The following PTBP3 variants were observed in gnomAD, a reference collection of about 807,000 sequenced individuals.
PTBP3 encodes polypyrimidine tract-binding protein 3.
Under a neutral mutation model 58.7 loss-of-function variants are expected in PTBP3, and 20 were observed. That is an observed-to-expected ratio of 0.34 (90% CI 0.24 to 0.50). PTBP3 has a LOEUF of 0.50. Among genes scored for constraint, PTBP3 ranks in the 20% least tolerant of loss-of-function variants. PTBP3 has a pLI of 0.98. For synonymous variants in PTBP3, 185 were observed against 219.8 expected, an observed-to-expected ratio of 0.84 and a Z score of 1.40; for missense variants, 509 against 637.2, an observed-to-expected ratio of 0.80 and a Z score of 2.17.
the PTBP3 span, among the ~76,000 whole-genome samples, chr9:112,361,390 C>T: frequency 1.3e-5 from 2 of 152,120 alleles, no homozygotes; most frequent in Non-Finnish European, 2.9e-5. Context: ...TAAGCCATGG[C>T]ACCCAGCCTA....
chr9:112,291,838 C>G (rs1828444525), intron 2 of PTBP3, among the ~76,000 whole-genome samples: 1 of 152,064 alleles, frequency 6.6e-6, no homozygotes, highest in Non-Finnish European at 1.5e-5. Flanking sequence ...ACCAAATGCA[C>G]AAGCAACAAA....
intron 2 of PTBP3, among the ~76,000 whole-genome samples, chr9:112,294,374 T>C (rs534570040): frequency 1.3e-5 from 2 of 152,120 alleles, no homozygotes; most frequent in African/African-American, 4.8e-5. Flanking sequence ...AAAAATTAGC[T>C]GGGTGTGGTG....
At chr9:112,287,335 T>G (rs1469910343) in intron 2 of PTBP3, among the ~76,000 whole-genome samples, 7 of 8,368 alleles carry the variant, frequency 8.4e-4, no homozygotes, top group South Asian at 0.018. Context: ...TCTTTTTCAG[T>G]TTTTTGTTTT....
intron 1 of PTBP3, among the ~76,000 whole-genome samples, chr9:112,321,911 G>C (rs971103405): frequency 6.6e-6 from 1 of 151,944 alleles, no homozygotes; most frequent in Non-Finnish European, 1.5e-5. Context: ...CAAGGCGGGC[G>C]GATCACAAGG....
intron 10 of PTBP3, among the ~76,000 whole-genome samples, chr9:112,229,388 A>AC (rs1419644394): frequency 1.3e-5 from 2 of 151,656 alleles, no homozygotes; most frequent in Non-Finnish European, 2.9e-5. Context: ...ACATGGGGAA[A>AC]CCCCGTCTCT....
intron 2 of PTBP3, among the ~76,000 whole-genome samples, chr9:112,290,699 T>TACACACACAC (rs1221818154): frequency 0.072 from 4,609 of 64,144 alleles, 140 homozygotes; most frequent in Admixed American, 0.084. Flanking sequence ...TATATATATA[T>TACACACACAC]ATATATATAC....
intron 1 of PTBP3, among the ~76,000 whole-genome samples, chr9:112,309,603 T>C (rs928432225): frequency 1.8e-4 from 28 of 151,940 alleles, no homozygotes; most frequent in African/African-American, 6.5e-4. Flanking sequence ...CTGGCCAACA[T>C]GATGAAACCC....
At chr9:112,377,929 T>C in the PTBP3 span, among the ~76,000 whole-genome samples, 5 of 152,260 alleles carry the variant, frequency 3.3e-5, no homozygotes, top group Admixed American at 6.5e-5. Context: ...TTTTCATTTC[T>C]ACTATTACTG....
At chr9:112,256,844 CCTTT>C (rs1433254336) in intron 5 of PTBP3, among the ~76,000 whole-genome samples, 2 of 114,446 alleles carry the variant, frequency 1.7e-5, no homozygotes, top group South Asian at 3.5e-4. Context: ...ATTTTTTTTC[CCTTT>C]TTTTAAAGCT....
chr9:112,290,627 A>T (rs1361800992), intron 2 of PTBP3, among the ~76,000 whole-genome samples: 5 of 147,254 alleles, frequency 3.4e-5, no homozygotes, highest in African/African-American at 1.3e-4. Context: ...AGCCGAGACC[A>T]CGCCACTGCA....
At chr9:112,306,164 T>C (rs1023650793) in intron 1 of PTBP3, among the ~76,000 whole-genome samples, 1 of 152,062 alleles carries the variant, frequency 6.6e-6, no homozygotes. Flanking sequence ...TTGCTTAATA[T>C]TTTTTAAACT....
intron 12 of PTBP3, among the ~76,000 whole-genome samples, chr9:112,227,116 G>T (rs1052499379): frequency 6.6e-5 from 10 of 152,282 alleles, no homozygotes; most frequent in South Asian, 2.1e-4. Context: ...GGACAAATAC[G>T]TGCCAATGGA....
intron 3 of PTBP3, among the ~76,000 whole-genome samples, chr9:112,275,475 A>G (rs975642327): frequency 2.6e-5 from 4 of 152,156 alleles, no homozygotes; most frequent in African/African-American, 9.7e-5. Context: ...TGAAAACTTA[A>G]CTGTTCTTTA....
intron 1 of PTBP3, among the ~76,000 whole-genome samples, chr9:112,320,746 T>A (rs1829916465): frequency 6.6e-6 from 1 of 152,132 alleles, no homozygotes; most frequent in South Asian, 2.1e-4. Flanking sequence ...CACTTACGTA[T>A]GGTAAGTTGA....
At chr9:112,306,507 C>T (rs999274690) in intron 1 of PTBP3, among the ~76,000 whole-genome samples, 1 of 151,132 alleles carries the variant, frequency 6.6e-6, no homozygotes, top group Non-Finnish European at 1.5e-5. Flanking sequence ...ATTGGACTTC[C>T]ATCTGTAAAG....
chr9:112,220,895 T>G lies in PTBP3; in HGVS notation c.*2956A>C, dbSNP rs1834784656. 1 of 969,852 alleles carries G rather than the reference T, an allele frequency of 1.0e-6. No individual in the cohort carries two copies. The highest frequency in any genetic ancestry group is 1.8e-5 in the African/African-American group (1 of 56,988). 60.1% of individuals were successfully genotyped at this position (969,852 alleles called of 1,614,324 possible). ...AAATAAAATAAACTTAAAAATAGGA[T>G]ACTACGGTAGATCAACAGAGAAAAA... is the stretch of plus-strand genomic sequence containing the variant. On this transcript the variant is annotated 3_prime_UTR_variant, in exon 14 of 14. Coordinates refer to ENST00000374257, the MANE Select transcript of PTBP3 (RefSeq NM_001163788.4).
chr9:112,329,758 T>C (rs554476083), intron 1 of PTBP3, among the ~76,000 whole-genome samples: 1 of 152,044 alleles, frequency 6.6e-6, no homozygotes, highest in East Asian at 1.9e-4. Flanking sequence ...AAGAAAGAAG[T>C]GTCAGCTGCT....
At chr9:112,283,471 C>T (rs1827968646) in intron 2 of PTBP3, among the ~76,000 whole-genome samples, 1 of 152,168 alleles carries the variant, frequency 6.6e-6, no homozygotes, top group South Asian at 2.1e-4. Flanking sequence ...CAGCATTTTG[C>T]CCCATGCTAG....
rs539477669 is a variant in PTBP3, at chr9:112,314,908, T to G, written c.-51-16992A>C. On this transcript the variant is annotated intron_variant, in intron 1 of 13. Transcript: ENST00000374257. ...GTGCAGTGGCGCGATCTCGGCTCAC[T>G]GCAAGCTCCGCCTCCCGGGTTTACA... 5.0e-4 allele frequency among the ~76,000 whole-genome samples: 76 copies of G among 151,212 alleles called. 1 individual carries two copies. The South Asian group carries it at 0.015, about 31-fold the overall frequency.
Sources: allele counts gnomAD v4.1 joint callset (sites outside exome capture counted in the v4.1 genomes callset), GRCh38; gene constraint gnomAD v4.1.1; transcripts MANE v1.5; gene names NCBI Gene and HGNC (gene_info 2026-07-23, HGNC 2026-07-21).